CRIM1: variants seen among roughly 807,000 people sequenced by gnomAD.
CRIM1 encodes cysteine rich transmembrane BMP regulator 1.
A neutral mutation model predicts 116.4 loss-of-function variants in CRIM1; 32 were observed. That is an observed-to-expected ratio of 0.27 (90% CI 0.21 to 0.37). The LOEUF is 0.37. Ranked by LOEUF, CRIM1 falls within the 10% of genes least tolerant of loss-of-function variation. The pLI, the probability that CRIM1 is intolerant of heterozygous loss-of-function variation, is 1.00. For synonymous variants in CRIM1, 590 were observed against 509.2 expected (o/e 1.16, Z -2.13); for missense variants, 1,331 against 1,354.8 (o/e 0.98, Z 0.28).
chr2:36,507,282 T>C (rs990057485), intron 8 of CRIM1, among the ~76,000 whole-genome samples: 2 of 152,220 alleles, frequency 1.3e-5, no homozygotes, highest in Admixed American at 6.5e-5. Flanking sequence ...AACTAGAAGA[T>C]GGTATTTTGA....
chr2:36,454,831 C>G (rs568452529), intron 4 of CRIM1, among the ~76,000 whole-genome samples: 1 of 152,220 alleles, frequency 6.6e-6, no homozygotes, highest in African/African-American at 2.4e-5. Context: ...TAGAGTCCCC[C>G]TCTACTCTTC....
intron 2 of CRIM1, among the ~76,000 whole-genome samples, chr2:36,429,916 T>C (rs1426746261): frequency 3.9e-5 from 6 of 152,144 alleles, no homozygotes; most frequent in Non-Finnish European, 8.8e-5. Flanking sequence ...CAAAAAGACT[T>C]GAACTAGAAG....
intron 1 of CRIM1, among the ~76,000 whole-genome samples, chr2:36,357,159 C>T (rs1388376186): frequency 2.0e-5 from 3 of 152,220 alleles, no homozygotes; most frequent in African/African-American, 7.2e-5. Context: ...TCCTTCACCC[C>T]TTCCTCCTCC....
At chr2:36,458,318 G>T (rs1177156106) in intron 4 of CRIM1, among the ~76,000 whole-genome samples, 2 of 152,168 alleles carry the variant, frequency 1.3e-5, no homozygotes, top group Non-Finnish European at 2.9e-5. Flanking sequence ...AGGTTGAGGG[G>T]CATTCCTGTT....
chr2:36,520,782 G>A (rs1354510278), intron 12 of CRIM1, among the ~76,000 whole-genome samples: 3 of 152,178 alleles, frequency 2.0e-5, no homozygotes, highest in Non-Finnish European at 4.4e-5. Context: ...TACTGGCTGT[G>A]GGGTATATTC....
chr2:36,382,303 G>A (rs1409954174), intron 1 of CRIM1, among the ~76,000 whole-genome samples: 2 of 152,246 alleles, frequency 1.3e-5, no homozygotes, highest in Non-Finnish European at 2.9e-5. Context: ...ACTATAGGCA[G>A]AGTCTGTTTC....
At chr2:36,449,544 A>G (rs1676525532) in intron 4 of CRIM1, among the ~76,000 whole-genome samples, 1 of 152,214 alleles carries the variant, frequency 6.6e-6, no homozygotes, top group South Asian at 2.1e-4. Flanking sequence ...GCTAGAATCC[A>G]GGCCCACTTC....
chr2:36,451,933 CTT>C (rs11340248), intron 4 of CRIM1, among the ~76,000 whole-genome samples: 1 of 151,900 alleles, frequency 6.6e-6, no homozygotes, highest in African/African-American at 2.4e-5. Context: ...GATCCATGTG[CTT>C]TTTACCATTG....
intron 7 of CRIM1, among the ~76,000 whole-genome samples, chr2:36,482,797 G>A (rs979466364): frequency 1.3e-5 from 2 of 152,186 alleles, no homozygotes; most frequent in Admixed American, 6.5e-5. Context: ...AAGGATTGTG[G>A]TTTTAGATTC....
At chr2:36,366,102 G>T (rs1263697641) in intron 1 of CRIM1, among the ~76,000 whole-genome samples, 1 of 152,200 alleles carries the variant, frequency 6.6e-6, no homozygotes, top group African/African-American at 2.4e-5. Context: ...GTAAATATTG[G>T]CTGATAATTC....
chr2:36,469,537 A>T (rs1255501974), intron 5 of CRIM1, among the ~76,000 whole-genome samples: 1 of 152,188 alleles, frequency 6.6e-6, no homozygotes. Flanking sequence ...ATTTTCTCTA[A>T]GACAGTAACA....
chr2:36,426,851 A>G (rs1287176766), intron 2 of CRIM1, among the ~76,000 whole-genome samples: 1 of 152,164 alleles, frequency 6.6e-6, no homozygotes, highest in East Asian at 1.9e-4. Context: ...ATTGACATAA[A>G]CCCCAAATTT....
At chr2:36,537,871 A>G (rs550074163) in intron 14 of CRIM1, among the ~76,000 whole-genome samples, 152 of 152,370 alleles carry the variant, frequency 1.0e-3, no homozygotes, top group Middle Eastern at 6.8e-3. Flanking sequence ...GGACTAGCCT[A>G]GAGAAGATGG....
chr2:36,538,576 A>C lies in CRIM1; in HGVS notation c.2623+1030A>C, dbSNP rs568407080. 1.4e-4 allele frequency among the ~76,000 whole-genome samples: 21 copies of C among 152,298 alleles called. No individual in the cohort carries two copies. The South Asian group carries it at 2.5e-3, about 18-fold the overall frequency. On this transcript the variant is annotated intron_variant, in intron 14 of 16. Transcript: ENST00000280527. The stretch of plus-strand genomic sequence containing the variant: ...TAAGATAGGGCAGTTGTTAAACCCA[A>C]AGAGTTTAAGTGAGCTCTGCACATG...
intron 2 of CRIM1, among the ~76,000 whole-genome samples, chr2:36,403,509 T>C (rs547923891): frequency 5.8e-4 from 89 of 152,276 alleles, no homozygotes; most frequent in African/African-American, 2.0e-3. Flanking sequence ...CTGAGAAATT[T>C]GTTGATTGGC....
rs368044572 is a variant in CRIM1, at chr2:36,362,649, CTG to C, written c.331+6028_331+6029del. ...AGCCTGGTCACATCTTTGAAAACCT[CTG>C]TTTAGTCAAGACTTCCTAAGTCAAG... is the stretch of plus-strand genomic sequence containing the variant. On this transcript the variant is annotated intron_variant, in intron 1 of 16. Transcript: ENST00000280527. Among the ~76,000 whole-genome samples the C allele has an allele frequency of 4.3e-3, 661 of 152,290 alleles. 3 individuals are homozygous for C. Among genetic ancestry groups the C allele is most frequent in the African/African-American group, 0.015 (634 of 41,550 alleles).
At chr2:36,422,307 A>G (rs1674127960) in intron 2 of CRIM1, among the ~76,000 whole-genome samples, 1 of 152,124 alleles carries the variant, frequency 6.6e-6, no homozygotes, top group Non-Finnish European at 1.5e-5. Flanking sequence ...TTTAATTTGA[A>G]TGTCTGTTAG....
In CRIM1 at chr2:36,549,253, T is replaced by G. The variant is rs1053165118; in HGVS notation, c.*552T>G. ...AACCCTTTGACAGCCATCCCAGGTCTAAAGCCACAAGTTTCTTTTCTATAC... is the reference window on the plus strand; with the variant it reads ...AACCCTTTGACAGCCATCCCAGGTCGAAAGCCACAAGTTTCTTTTCTATAC... On this transcript the variant is annotated 3_prime_UTR_variant, in exon 17 of 17. Coordinates refer to ENST00000280527, the MANE Select transcript of CRIM1 (RefSeq NM_016441.3). 7 of 152,704 alleles carry G rather than the reference T, an allele frequency of 4.6e-5. No individual in the cohort carries two copies. Among genetic ancestry groups the G allele is most frequent in the African/African-American group, 1.7e-4 (7 of 41,456 alleles). The allele number at this position is 152,704 out of a possible 1,614,324, so 9.5% of individuals were successfully genotyped here.
chr2:36,436,600 T>C (rs1400810140), intron 2 of CRIM1, among the ~76,000 whole-genome samples: 6 of 152,164 alleles, frequency 3.9e-5, no homozygotes, highest in Non-Finnish European at 5.9e-5. Flanking sequence ...CAGAATGTCA[T>C]AATTAAGCTT....
Sources: gnomAD v4.1 joint callset for allele counts (sites outside exome capture counted in the v4.1 genomes callset) on GRCh38, gnomAD v4.1.1 for gene constraint, MANE v1.5 for transcripts, NCBI Gene and HGNC (gene_info 2026-07-23, HGNC 2026-07-21) for gene names.